Variants in FEZ2 observed in about 807,000 individuals in gnomAD.
FEZ2 encodes the protein fasciculation and elongation protein zeta 2.
In FEZ2, 51 loss-of-function variants were observed where a neutral mutation model predicts 40.4. The ratio of observed to expected loss-of-function variants is 1.26; its 90% CI spans 1.01 to 1.59. The LOEUF (loss-of-function observed/expected upper bound fraction) is 1.59, where lower values mean the gene tolerates loss of function less well. FEZ2 is among the 40% of genes most tolerant of loss of function. The pLI is 0.00. For synonymous variants in FEZ2, 242 were observed against 172.0 expected (o/e 1.41, Z -3.18); for missense variants, 640 against 438.3 (o/e 1.46, Z -4.11).
intron 2 of FEZ2, among the ~76,000 whole-genome samples, chr2:36,585,229 T>C (rs575551704): frequency 1.3e-5 from 2 of 152,232 alleles, no homozygotes; most frequent in Non-Finnish European, 2.9e-5. Flanking sequence ...CCTAGAATCC[T>C]ATATCCAGCT....
rs750327600 is a variant in FEZ2, at chr2:36,597,995, G to A, written c.148C>T (p.Pro50Ser). Residue 50 changes from proline to serine, a missense_variant, in exon 1 of 8, where the codon CCG (proline) becomes TCG (serine). Coordinates refer to ENST00000405912, the MANE Select transcript of FEZ2 (RefSeq NM_005102.3). ...AGCTTCTCCTCCAAGCTGCAGGCCG[G>A]GGCCGGGAAACCGTCGGCGCCCCCA... ...AGGGADGFPA[P>S]ACSLEEKLSL... The A allele has an allele frequency of 2.7e-6, 4 of 1,493,572 alleles. No individual in the cohort carries two copies. Among genetic ancestry groups the A allele is most frequent in the Non-Finnish European group, 3.5e-6 (4 of 1,127,470 alleles). The allele number at this position is 1,493,572 out of a possible 1,614,324, so 92.5% of individuals were successfully genotyped here.
intron 5 of FEZ2, among the ~76,000 whole-genome samples, chr2:36,568,043 G>T (rs1161823202): frequency 6.6e-6 from 1 of 152,182 alleles, no homozygotes; most frequent in Non-Finnish European, 1.5e-5. Flanking sequence ...ACCTCATTTA[G>T]AAACACTACA....
intron 5 of FEZ2, among the ~76,000 whole-genome samples, chr2:36,577,865 A>AC (rs1173300488): frequency 6.6e-6 from 1 of 152,250 alleles, no homozygotes; most frequent in Non-Finnish European, 1.5e-5. Context: ...CACAAATTAA[A>AC]AAGAGATGTC....
intron 5 of FEZ2, among the ~76,000 whole-genome samples, chr2:36,569,794 C>G (rs770210908): frequency 1.2e-4 from 19 of 152,160 alleles, no homozygotes; most frequent in Non-Finnish European, 2.1e-4. Context: ...AGATTTCTAA[C>G]TGGCCAGGAA....
At chr2:36,584,586 G>C (rs1310748291) in intron 2 of FEZ2, among the ~76,000 whole-genome samples, 1 of 152,212 alleles carries the variant, frequency 6.6e-6, no homozygotes, top group African/African-American at 2.4e-5. Context: ...CCTCAGGAAG[G>C]ATTAGCACAC....
chr2:36,597,881 C>G lies in FEZ2; in HGVS notation c.262G>C (p.Asp88His), dbSNP rs866381929. The G allele has an allele frequency of 7.3e-7, 1 of 1,369,116 alleles. No individual in the cohort carries two copies. The highest frequency in any genetic ancestry group is 9.4e-7 in the Non-Finnish European group (1 of 1,067,714). The allele number at this position is 1,369,116 out of a possible 1,614,324, so 84.8% of individuals were successfully genotyped here. Residue 88 changes from aspartate (D) to histidine (H), a missense_variant, in exon 1 of 8, where the codon GAC becomes CAC. Coordinates refer to ENST00000405912, the MANE Select transcript of FEZ2 (RefSeq NM_005102.3). The part of the protein sequence containing the change: ...PITERSLLQG[D>H]EIWNALTDNY... ...CGGCCGGGGCCCCGCACTCACTCGT[C>G]CCCCTGCAGGAGGCTGCGCTCCGTG...
At chr2:36,558,255 A>G (rs10178002) in intron 6 of FEZ2, 183 bp downstream of exon 6, 261,056 of 415,558 alleles carry the variant, frequency 0.63, 84,224 homozygotes, top group South Asian at 0.71. Context: ...TCAACACTAG[A>G]GTTACTGTTG....
chr2:36,566,569 TAGTC>T (rs1429513920), intron 5 of FEZ2, among the ~76,000 whole-genome samples: 1 of 152,226 alleles, frequency 6.6e-6, no homozygotes, highest in Non-Finnish European at 1.5e-5. Flanking sequence ...ATCTGACTGA[TAGTC>T]AGTGACTTAA....
intron 2 of FEZ2, among the ~76,000 whole-genome samples, chr2:36,585,926 C>T (rs1461209735): frequency 6.6e-6 from 1 of 152,222 alleles, no homozygotes; most frequent in Non-Finnish European, 1.5e-5. Flanking sequence ...AGCATGTTAT[C>T]TGCTAAAAGA....
intron 2 of FEZ2, among the ~76,000 whole-genome samples, chr2:36,587,413 C>CCAGGGTTAGATA: frequency 6.6e-6 from 1 of 152,238 alleles, no homozygotes; most frequent in East Asian, 1.9e-4. Flanking sequence ...CCTTCCAATG[C>CCAGGGTTAGATA]CAGGGTTAGA....
In FEZ2 at chr2:36,597,747, G is replaced by A. The variant is rs1392941170; in HGVS notation, c.266+130C>T. 1.1e-5 allele frequency: 7 copies of A among 635,066 alleles called. No individual in the cohort carries two copies. In the South Asian group the frequency reaches 3.0e-4, roughly 28 times the overall value. 39.3% of individuals were successfully genotyped at this position (635,066 alleles called of 1,614,324 possible). A position where few individuals can be genotyped will look rare whatever the true frequency, so the allele number is the denominator to read the frequency against. ...CCGAGGCCGACGGCCGGAGGAAGGA[G>A]GCGAGAGGGCGGGGACTCCCGCGTC... is the stretch of plus-strand genomic sequence containing the variant. On this transcript the variant is annotated intron_variant, in intron 1 of 7. Coordinates refer to ENST00000405912, the MANE Select transcript of FEZ2 (RefSeq NM_005102.3).
chr2:36,583,137 C>G (rs536442623), intron 3 of FEZ2, among the ~76,000 whole-genome samples: 1 of 152,274 alleles, frequency 6.6e-6, no homozygotes, highest in African/African-American at 2.4e-5. Context: ...TTCAACAAGG[C>G]CTCTGTTGGA....
intron 1 of FEZ2, among the ~76,000 whole-genome samples, chr2:36,596,592 T>C (rs1469329765): frequency 6.6e-6 from 1 of 152,166 alleles, no homozygotes; most frequent in Non-Finnish European, 1.5e-5. Context: ...GGCAGCTGGG[T>C]CCGTGGGACC....
chr2:36,564,510 A>G (rs1396102467), intron 5 of FEZ2, among the ~76,000 whole-genome samples: 1 of 152,138 alleles, frequency 6.6e-6, no homozygotes, highest in African/African-American at 2.4e-5. Flanking sequence ...ACATTCCAGC[A>G]TAAGGGGGCA....
chr2:36,591,287 T>G, intron 1 of FEZ2: 1 of 432,732 alleles, frequency 2.3e-6, no homozygotes, highest in East Asian at 4.5e-5. Context: ...TATTAGGTGC[T>G]AGGCACTGTT....
At chr2:36,580,337 G>T (rs1039518012) in intron 4 of FEZ2, among the ~76,000 whole-genome samples, 1 of 152,186 alleles carries the variant, frequency 6.6e-6, no homozygotes, top group Admixed American at 6.5e-5. Flanking sequence ...ACAACCCAAA[G>T]GTCTTTAGGT....
At chr2:36,597,368 C>A (rs923522460) in intron 1 of FEZ2, among the ~76,000 whole-genome samples, 2 of 152,212 alleles carry the variant, frequency 1.3e-5, no homozygotes, top group African/African-American at 4.8e-5. Context: ...GTACATATAA[C>A]CATTGCAGCG....
chr2:36,589,986 A>T (rs1307674708), intron 2 of FEZ2: 1 of 151,856 alleles, frequency 6.6e-6, no homozygotes, highest in Non-Finnish European at 1.5e-5. Context: ...GATAATTTGG[A>T]TATGTTTCTC....
chr2:36,580,754 C>G (rs1668712884), intron 4 of FEZ2, among the ~76,000 whole-genome samples: 1 of 152,116 alleles, frequency 6.6e-6, no homozygotes, highest in African/African-American at 2.4e-5. Flanking sequence ...AGTCCTAACC[C>G]CAAGTACCTC....
Sources: allele counts gnomAD v4.1 joint callset (sites outside exome capture counted in the v4.1 genomes callset), GRCh38; gene constraint gnomAD v4.1.1; transcripts MANE v1.5; gene names NCBI Gene and HGNC (gene_info 2026-07-23, HGNC 2026-07-21).